ZSWIM6: variants seen among roughly 807,000 people sequenced by gnomAD.
ZSWIM6 encodes the protein zinc finger SWIM-type containing 6, also known as zinc finger SWIM domain-containing protein 6.
Under a neutral mutation model 113.2 loss-of-function variants are expected in ZSWIM6, and 9 were observed. The observed-to-expected ratio is 0.08, with a 90% CI of 0.05 to 0.14. ZSWIM6 has a LOEUF of 0.14. Among genes scored for constraint, ZSWIM6 ranks in the 10% least tolerant of loss-of-function variants. The pLI, the probability that ZSWIM6 is intolerant of heterozygous loss-of-function variation, is 1.00. For missense variants in ZSWIM6, 1,162 were observed against 1,552.2 expected, an observed-to-expected ratio of 0.75 and a Z score of 4.22; for synonymous variants, 611 against 606.5, an observed-to-expected ratio of 1.01 and a Z score of -0.11.
intron 1 of ZSWIM6, among the ~76,000 whole-genome samples, chr5:61,361,553 A>T (rs184748147): frequency 6.6e-6 from 1 of 152,338 alleles, no homozygotes. Flanking sequence ...TATTAAGACC[A>T]AGAGTACTGA....
intron 1 of ZSWIM6, among the ~76,000 whole-genome samples, chr5:61,400,417 T>A (rs1278931883): frequency 6.6e-6 from 1 of 152,210 alleles, no homozygotes; most frequent in East Asian, 1.9e-4. Context: ...CAGAAAAGCA[T>A]ATAATACTTC....
chr5:61,481,354 A>G (rs1271996030), intron 2 of ZSWIM6, among the ~76,000 whole-genome samples: 1 of 152,054 alleles, frequency 6.6e-6, no homozygotes, highest in Non-Finnish European at 1.5e-5. Flanking sequence ...TGAGACAGAT[A>G]CCTCATTCGG....
Position 61,536,842 on chromosome 5 carries a change from T to C in ZSWIM6, c.2381+1223T>C, listed in dbSNP as rs1271139060. On this transcript the variant is annotated intron_variant, in intron 10 of 13. Coordinates refer to ENST00000252744, the MANE Select transcript of ZSWIM6 (RefSeq NM_020928.2). ...GAGAATCTTCTTAAGTATTCTTTTTTCTATTTTTAAAATACCAGAAAATAA... is the reference window on the plus strand; with the variant it reads ...GAGAATCTTCTTAAGTATTCTTTTTCCTATTTTTAAAATACCAGAAAATAA... Among the ~76,000 whole-genome samples the C allele has an allele frequency of 3.9e-5, 6 of 152,350 alleles. No homozygotes were observed. In the South Asian group the frequency reaches 1.0e-3, roughly 26 times the overall value.
Position 61,527,185 on chromosome 5 carries a change from A to G in ZSWIM6, c.1837+789A>G, listed in dbSNP as rs567610341. Reference sequence around the variant, plus strand: ...ATTACATGCACAAGACCCTGATCAGATAAAGAAATGTATATGCTTTTTCTG... The same window carrying G: ...ATTACATGCACAAGACCCTGATCAGGTAAAGAAATGTATATGCTTTTTCTG... On this transcript the variant is annotated intron_variant, in intron 7 of 13. Transcript: ENST00000252744. 3.3e-5 allele frequency among the ~76,000 whole-genome samples: 5 copies of G among 152,318 alleles called. No individual in the cohort carries two copies. In the East Asian group the frequency reaches 9.7e-4, roughly 29 times the overall value.
chr5:61,333,009 G>GC, intron 1 of ZSWIM6, 61 bp downstream of exon 1: 3 of 439,900 alleles, frequency 6.8e-6, no homozygotes, highest in Non-Finnish European at 9.6e-6. Flanking sequence ...TGGGGGGGGG[G>GC]TGCCCGCCTT....
chr5:61,429,552 T>A (rs1337854377), intron 1 of ZSWIM6, among the ~76,000 whole-genome samples: 3 of 152,154 alleles, frequency 2.0e-5, no homozygotes, highest in African/African-American at 7.2e-5. Context: ...ACATATCAAG[T>A]GTGAGGCGTT....
At chr5:61,494,109 C>T (rs529674465) in intron 3 of ZSWIM6, 151 bp from the exon 4 acceptor site, 44 of 837,638 alleles carry the variant, frequency 5.3e-5, no homozygotes, top group African/African-American at 3.8e-4. Flanking sequence ...GACATCTCCC[C>T]GCCTATCCTC....
chr5:61,456,907 T>C (rs1413309206), intron 1 of ZSWIM6, among the ~76,000 whole-genome samples: 2 of 151,858 alleles, frequency 1.3e-5, no homozygotes, highest in Non-Finnish European at 2.9e-5. Context: ...TTTTTTCTTT[T>C]TTTTATTATT....
In ZSWIM6 at chr5:61,543,904, A is replaced by G. The variant is rs1749813453; in HGVS notation, c.3235A>G (p.Ser1079Gly). The change falls in exon 14 of 14, where the codon AGC becomes GGC. Residue 1079 changes from serine to glycine, a missense_variant. By Grantham distance (56) the Ser-to-Gly change is moderately conservative. Coordinates refer to ENST00000252744, the MANE Select transcript of ZSWIM6 (RefSeq NM_020928.2). This position sits in a 1 kb window ranked among gnomAD's most constrained non-coding sequence, Gnocchi z 4.3. ...TGATGTTTTGTGGGCCTGTGCGCTT[A>G]GCCACTCCCTTGGTAAAAATGAGCT... is the stretch of plus-strand genomic sequence containing the variant. ...INDVLWACAL[S>G]HSLGKNELAA... is the part of the protein sequence containing the mutation. 6.4e-7 allele frequency: 1 copy of G among 1,551,792 alleles called. No homozygotes were observed. Among genetic ancestry groups the G allele is most frequent in the Admixed American group, 2.0e-5 (1 of 50,992 alleles).
At chr5:61,376,934 G>T (rs891781472) in intron 1 of ZSWIM6, among the ~76,000 whole-genome samples, 1 of 151,542 alleles carries the variant, frequency 6.6e-6, no homozygotes, top group African/African-American at 2.4e-5. Context: ...AAAAAAAAAG[G>T]CTTCATATTG....
chr5:61,497,124 A>G (rs1580041186), intron 4 of ZSWIM6, among the ~76,000 whole-genome samples: 1 of 149,982 alleles, frequency 6.7e-6, no homozygotes, highest in Non-Finnish European at 1.5e-5. Flanking sequence ...AAAAAAAAAA[A>G]GATTCCTGGC....
intron 1 of ZSWIM6, among the ~76,000 whole-genome samples, chr5:61,443,439 T>C (rs1746880052): frequency 6.6e-6 from 1 of 152,172 alleles, no homozygotes; most frequent in African/African-American, 2.4e-5. Context: ...AGATTTGAAG[T>C]CCATCCTGTA....
chr5:61,370,442 A>G (rs1344940752), intron 1 of ZSWIM6, among the ~76,000 whole-genome samples: 1 of 152,208 alleles, frequency 6.6e-6, no homozygotes, highest in Non-Finnish European at 1.5e-5. Flanking sequence ...ACATTTTTAT[A>G]TCTAGCTCTT....
At chr5:61,399,490 C>T (rs1028654745) in intron 1 of ZSWIM6, among the ~76,000 whole-genome samples, 1 of 152,042 alleles carries the variant, frequency 6.6e-6, no homozygotes, top group Non-Finnish European at 1.5e-5. Flanking sequence ...CTGTCAACAC[C>T]TACTGAGTTG....
At chr5:61,518,947 T>C (rs914784076) in intron 4 of ZSWIM6, among the ~76,000 whole-genome samples, 3 of 151,956 alleles carry the variant, frequency 2.0e-5, no homozygotes, top group Non-Finnish European at 4.4e-5. Context: ...CTTTAATCCA[T>C]CTTGAATTGA....
intron 1 of ZSWIM6, among the ~76,000 whole-genome samples, chr5:61,381,596 A>C (rs1341984115): frequency 6.6e-6 from 1 of 152,298 alleles, no homozygotes; most frequent in East Asian, 1.9e-4. Context: ...GCAGTTGTCC[A>C]TAGTTTTTTT....
At chr5:61,388,281 C>G (rs1417966123) in intron 1 of ZSWIM6, among the ~76,000 whole-genome samples, 2 of 152,130 alleles carry the variant, frequency 1.3e-5, no homozygotes, top group Non-Finnish European at 1.5e-5. Flanking sequence ...CCGTGCCTGG[C>G]TAAGTGCTGC....
intron 2 of ZSWIM6, among the ~76,000 whole-genome samples, chr5:61,480,750 A>T (rs13158938): frequency 0.14 from 20,955 of 152,058 alleles, 1,550 homozygotes; most frequent in Middle Eastern, 0.18. Context: ...AAAGAAAGAC[A>T]TTTTTTTGAG....
chr5:61,505,987 C>A (rs1224643550), intron 4 of ZSWIM6, among the ~76,000 whole-genome samples: 2 of 151,644 alleles, frequency 1.3e-5, no homozygotes, highest in Non-Finnish European at 2.9e-5. Context: ...ACCTCATGAT[C>A]CACCCACCTC....
Sources: gnomAD v4.1 joint callset for allele counts (sites outside exome capture counted in the v4.1 genomes callset) on GRCh38, gnomAD v4.1.1 for gene constraint, Gnocchi (gnomAD v3.1) non-coding constraint, MANE v1.5 for transcripts, NCBI Gene and HGNC (gene_info 2026-07-23, HGNC 2026-07-21) for gene names.